Variants in IGFL4 observed in about 807,000 individuals in gnomAD.
IGFL4 encodes insulin growth factor-like family member 4.
Under a neutral mutation model 15.4 loss-of-function variants are expected in IGFL4, and 12 were observed. The observed-to-expected ratio is 0.78, with a 90% CI of 0.50 to 1.26. IGFL4 has a LOEUF of 1.26. Among genes scored for constraint, IGFL4 ranks in the 50% most tolerant of loss-of-function variants. The pLI, the probability that IGFL4 is intolerant of heterozygous loss-of-function variation, is 0.00. For missense variants in IGFL4, 126 were observed against 147.8 expected (o/e 0.85, Z 0.76); for synonymous variants, 54 against 55.9 (o/e 0.97, Z 0.16).
At chr19:46,044,938 C>CA (rs1412517886), upstream of IGFL4, among the ~76,000 whole-genome samples, 6 of 152,078 alleles carry the variant, frequency 3.9e-5, no homozygotes, top group Non-Finnish European at 8.8e-5. Flanking sequence ...ACAACATCAG[C>CA]AAAAAAGACC....
intron 1 of IGFL4, among the ~76,000 whole-genome samples, chr19:46,063,765 A>T (rs1000233477): frequency 3.3e-5 from 5 of 152,226 alleles, no homozygotes; most frequent in Non-Finnish European, 5.9e-5. Context: ...AGTGTACAAG[A>T]TCTTAACACT....
At chr19:46,047,677 A>G (rs1969309568) in intron 2 of IGFL4, among the ~76,000 whole-genome samples, 1 of 152,186 alleles carries the variant, frequency 6.6e-6, no homozygotes, top group Non-Finnish European at 1.5e-5. Flanking sequence ...TCTAGAAGAA[A>G]TGGATACATC....
At chr19:46,059,918 T>TG (rs1969428701) in intron 2 of IGFL4, 1 of 152,192 alleles carries the variant, frequency 6.6e-6, no homozygotes, top group African/African-American at 2.4e-5. Flanking sequence ...CTGGGGCTCC[T>TG]GGGCCAATCA....
chr19:46,040,601 G>A lies in IGFL4; in HGVS notation c.20-33C>T, dbSNP rs371557671. On this transcript the variant is annotated intron_variant, in intron 1 of 3. Transcript: ENST00000377697. The surrounding 1 kb of genome is among the most constrained non-coding windows in gnomAD (Gnocchi z 4.1). ...GCAGAAGGAGAGCGAGAATGATTCT[G>A]AGGTCACTAGGTCTTGACCACGGGG... 6.2e-7 allele frequency: 1 copy of A among 1,612,304 alleles called. No homozygotes were observed. Among genetic ancestry groups the A allele is most frequent in the Non-Finnish European group, 8.5e-7 (1 of 1,178,676 alleles).
intron 2 of IGFL4, chr19:46,058,805 C>T (rs1437330964): frequency 1.3e-5 from 2 of 152,238 alleles, no homozygotes; most frequent in African/African-American, 2.4e-5. Flanking sequence ...CCCTTTTATC[C>T]ATGGCTAGAG....
upstream of IGFL4, among the ~76,000 whole-genome samples, chr19:46,041,985 G>A (rs1969249763): frequency 6.6e-6 from 1 of 151,788 alleles, no homozygotes; most frequent in South Asian, 2.1e-4. Context: ...ACTACAGGCA[G>A]GCACCTCCTG....
intron 1 of IGFL4, among the ~76,000 whole-genome samples, chr19:46,067,728 G>C (rs953418829): frequency 6.6e-6 from 1 of 152,108 alleles, no homozygotes; most frequent in African/African-American, 2.4e-5. Flanking sequence ...GCTCTGACAG[G>C]GCCCCAGGTT....
chr19:46,058,629 T>C (rs1355347114), intron 2 of IGFL4: 1 of 152,262 alleles, frequency 6.6e-6, no homozygotes, highest in African/African-American at 2.4e-5. Context: ...TGAAGCAAAC[T>C]TCTGACTGGA....
At chr19:46,049,738 C>T (rs760583624) in intron 2 of IGFL4, among the ~76,000 whole-genome samples, 2 of 152,142 alleles carry the variant, frequency 1.3e-5, no homozygotes, top group Non-Finnish European at 2.9e-5. Context: ...TAGCCCTGCC[C>T]ATCACCTGAG....
upstream of IGFL4, among the ~76,000 whole-genome samples, chr19:46,041,272 C>G (rs112633845): frequency 4.2e-3 from 644 of 152,226 alleles, 3 homozygotes; most frequent in Middle Eastern, 0.014. Context: ...TGAACACCGC[C>G]CAAGGGAAAA....
intron 1 of IGFL4, among the ~76,000 whole-genome samples, chr19:46,076,066 G>A (rs1600682047): frequency 1.3e-5 from 2 of 152,156 alleles, no homozygotes; most frequent in Non-Finnish European, 2.9e-5. Context: ...GGTGAGGGCT[G>A]CTCTCTGCTT....
chr19:46,077,264 A>C (rs1969614129), upstream of IGFL4: 1 of 152,218 alleles, frequency 6.6e-6, no homozygotes, highest in African/African-American at 2.4e-5. The surrounding 1 kb of genome is among the most constrained non-coding windows in gnomAD (Gnocchi z 5.4). Flanking sequence ...TTGCGAGGCC[A>C]AAACCTGGGT....
At chr19:46,074,159 T>C (rs912719737) in intron 1 of IGFL4, among the ~76,000 whole-genome samples, 15 of 151,958 alleles carry the variant, frequency 9.9e-5, no homozygotes, top group Non-Finnish European at 1.3e-4. Flanking sequence ...GTTCAGGGAA[T>C]TGGCTAGGGG....
At chr19:46,051,593 G>A (rs945232668) in intron 2 of IGFL4, among the ~76,000 whole-genome samples, 4 of 152,022 alleles carry the variant, frequency 2.6e-5, no homozygotes, top group African/African-American at 7.2e-5. Context: ...AACACATGAT[G>A]AACATGTAGT....
Position 46,040,542 on chromosome 19 carries a change from C to T in IGFL4, c.46G>A (p.Gly16Ser), listed in dbSNP as rs1455991494. The T allele has an allele frequency of 2.5e-6, 4 of 1,614,006 alleles. No individual in the cohort carries two copies. The East Asian group carries it at 8.9e-5, about 36-fold the overall frequency. Reference sequence around the variant, plus strand: ...CCTGTGACTCCTTCTGAGTTTGAACCCAAAAGTTCAAAAATGAAGATGGCA... The same window carrying T: ...CCTGTGACTCCTTCTGAGTTTGAACTCAAAAGTTCAAAAATGAAGATGGCA... Reference protein sequence around the residue: ...SAAIFIFELLGSNSEGVTDLR... With the variant: ...SAAIFIFELLSSNSEGVTDLR... The change falls in exon 2 of 4, where the codon GGT becomes AGT. Residue 16 changes from glycine (G) to serine (S), a missense_variant. Transcript: ENST00000377697. This position sits in a 1 kb window ranked among gnomAD's most constrained non-coding sequence, Gnocchi z 4.1.
Position 46,040,721 on chromosome 19 carries a change from T to C in IGFL4, c.20-153A>G. ...GGGTGCAGGTCCTGGGGACTGGGCT[T>C]GGCAGGTGAGGAAAGGCAGGGAGGG... On this transcript the variant is annotated intron_variant, in intron 1 of 3. Transcript: ENST00000377697. The surrounding 1 kb of genome is among the most constrained non-coding windows in gnomAD (Gnocchi z 4.1). 9.9e-7 allele frequency: 1 copy of C among 1,008,452 alleles called. No individual in the cohort carries two copies. The highest frequency in any genetic ancestry group is 1.5e-6 in the Non-Finnish European group (1 of 656,962). The allele number at this position is 1,008,452 out of a possible 1,614,324, so 62.5% of individuals were successfully genotyped here.
chr19:46,059,416 T>C (rs1969423956), intron 2 of IGFL4: 1 of 152,162 alleles, frequency 6.6e-6, no homozygotes, highest in Non-Finnish European at 1.5e-5. Context: ...GTCTCTTGTA[T>C]TCAGGGTAGA....
Position 46,040,300 on chromosome 19 carries a change from C to T in IGFL4, c.187G>A (p.Gly63Ser), listed in dbSNP as rs139381151. The T allele has an allele frequency of 3.8e-5, 62 of 1,614,126 alleles. No individual in the cohort carries two copies. Among genetic ancestry groups the T allele is most frequent in the African/African-American group, 2.0e-4 (15 of 75,032 alleles). ...CAGGGCCAGAAGGTGCAGCTGGAGC[C>T]GCAGAGCCGGGTCTGGTTCAAGTCT... is the stretch of plus-strand genomic sequence containing the variant. Reference protein sequence around the residue: ...ILDLNQTRLCGSSCTFWPCFQ... With the variant: ...ILDLNQTRLCSSSCTFWPCFQ... Residue 63 changes from glycine (G) to serine (S), a missense_variant, in exon 3 of 4, where the codon GGC becomes AGC. Transcript: ENST00000377697. This position sits in a 1 kb window ranked among gnomAD's most constrained non-coding sequence, Gnocchi z 4.1.
At chr19:46,067,945 A>T (rs1446651437) in intron 1 of IGFL4, among the ~76,000 whole-genome samples, 1 of 152,218 alleles carries the variant, frequency 6.6e-6, no homozygotes, top group Non-Finnish European at 1.5e-5. Context: ...GATGACAAAC[A>T]TTCTTTGGTC....
Sources: gnomAD v4.1 joint callset for allele counts (sites outside exome capture counted in the v4.1 genomes callset) on GRCh38, gnomAD v4.1.1 for gene constraint, Gnocchi (gnomAD v3.1) non-coding constraint, MANE v1.5 for transcripts, NCBI Gene and HGNC (gene_info 2026-07-23, HGNC 2026-07-21) for gene names.